Variants in GFPT1 observed in about 807,000 individuals in gnomAD.
The protein encoded by GFPT1 is glutamine--fructose-6-phosphate transaminase 1, also known as glutamine--fructose-6-phosphate aminotransferase [isomerizing] 1.
Under a neutral mutation model 92.0 loss-of-function variants are expected in GFPT1, and 40 were observed. The observed-to-expected ratio is 0.43, with a 90% CI of 0.34 to 0.57. The LOEUF is 0.57. GFPT1 is among the 20% of genes least tolerant of loss of function. GFPT1 has a pLI of 0.02. For missense variants in GFPT1, 448 were observed against 869.1 expected (o/e 0.52, Z 6.09); for synonymous variants, 269 against 280.6 (o/e 0.96, Z 0.41).
intron 11 of GFPT1, among the ~76,000 whole-genome samples, 171 bp downstream of exon 11, chr2:69,348,000 A>G (rs559275121): frequency 6.6e-6 from 1 of 152,356 alleles, no homozygotes; most frequent in African/African-American, 2.4e-5. Context: ...GATTGTAAAA[A>G]CAGCAGATAA....
intron 1 of GFPT1, among the ~76,000 whole-genome samples, chr2:69,379,367 T>A (rs745483360): frequency 1.3e-5 from 2 of 152,006 alleles, no homozygotes; most frequent in Admixed American, 1.3e-4. Flanking sequence ...CTACCAAAAA[T>A]AAAAAATTAG....
chr2:69,363,883 G>C (rs948159221), intron 3 of GFPT1, among the ~76,000 whole-genome samples: 1 of 152,304 alleles, frequency 6.6e-6, no homozygotes, highest in Middle Eastern at 3.4e-3. Context: ...GGGAGGCCGA[G>C]GCAGGTGGAT....
intron 12 of GFPT1, 98 bp from the exon 13 acceptor site, chr2:69,342,347 A>G (rs1042706428): frequency 9.9e-5 from 77 of 776,566 alleles, no homozygotes; most frequent in Non-Finnish European, 1.6e-4. Context: ...GAGGAAGAAT[A>G]CTGCTGTTTT....
intron 13 of GFPT1, among the ~76,000 whole-genome samples, chr2:69,341,621 C>A (rs1670954679): frequency 6.6e-6 from 1 of 151,260 alleles, no homozygotes; most frequent in South Asian, 2.1e-4. Context: ...AAAAGACCCT[C>A]ATACACCTAT....
At chr2:69,381,692 T>G (rs898693548) in intron 1 of GFPT1, among the ~76,000 whole-genome samples, 2 of 150,122 alleles carry the variant, frequency 1.3e-5, no homozygotes, top group African/African-American at 2.5e-5. Flanking sequence ...TAGACTGGAC[T>G]ACAGGTATGC....
intron 7 of GFPT1, among the ~76,000 whole-genome samples, chr2:69,355,432 T>C (rs898790438): frequency 1.3e-5 from 2 of 151,970 alleles, no homozygotes; most frequent in Admixed American, 6.6e-5. Flanking sequence ...CAAATAAAAA[T>C]TGTATTAAAT....
chr2:69,368,326 G>A (rs984422424), intron 3 of GFPT1, among the ~76,000 whole-genome samples: 2 of 152,148 alleles, frequency 1.3e-5, no homozygotes, highest in African/African-American at 4.8e-5. Flanking sequence ...AGGTTGCAGT[G>A]AACCGAGATT....
At chr2:69,377,974 A>G (rs2104695807) in intron 1 of GFPT1, among the ~76,000 whole-genome samples, 2 of 152,324 alleles carry the variant, frequency 1.3e-5, no homozygotes, top group Middle Eastern at 3.4e-3. Context: ...CTCTATTTTC[A>G]GGTCTTTGAC....
chr2:69,376,320 C>A (rs1212042465), intron 1 of GFPT1, among the ~76,000 whole-genome samples: 1 of 152,134 alleles, frequency 6.6e-6, no homozygotes, highest in Non-Finnish European at 1.5e-5. Context: ...ACCAGCCTGG[C>A]CAACATGGCG....
rs1166834103 is a variant in GFPT1 at position 69,370,096 on chromosome 2, T to C, written c.128A>G (p.Asp43Gly). 1 of 1,603,290 alleles carries C rather than the reference T, an allele frequency of 6.2e-7. No individual in the cohort carries two copies. The highest frequency in any genetic ancestry group is 8.5e-7 in the Non-Finnish European group (1 of 1,170,214). ...TTCCCAATCTTTATCATTGCCTCCA[T>C]CAAATCCCACACCTAAACCATCATG... ...RGYDSAGVGF[D>G]GGNDKDWEAN... Residue 43 changes from aspartate to glycine, a missense_variant, in exon 3 of 20, where the codon GAT becomes GGT. This residue lies in a region of GFPT1 where 72 missense variants were observed against 95.1 expected (regional missense o/e 0.76). Coordinates refer to ENST00000357308, the MANE Select transcript of GFPT1 (RefSeq NM_001244710.2).
chr2:69,387,140 T>C lies in GFPT1; in HGVS notation c.-69A>G. ...CGGGATCGGGGGTGCACACACGAGC[T>C]TCGGTGGGCAATCTGCGGGCTCGGG... On this transcript the variant is annotated 5_prime_UTR_variant, in exon 1 of 20. Coordinates refer to ENST00000357308, the MANE Select transcript of GFPT1 (RefSeq NM_001244710.2). 6.7e-7 allele frequency: 1 copy of C among 1,481,512 alleles called. No individual in the cohort carries two copies. The highest frequency in any genetic ancestry group is 2.2e-5 in the Admixed American group (1 of 45,116). 91.8% of individuals were successfully genotyped at this position (1,481,512 alleles called of 1,614,324 possible).
rs1312736620 is a variant in GFPT1, at chr2:69,324,024, C to G, written c.*2165G>C. On this transcript the variant is annotated 3_prime_UTR_variant, in exon 20 of 20. Transcript: ENST00000357308. ...CTCACCATGTTGCCCAGGCTGTTCT[C>G]CAACTCTTGAGCTCAAGCAATACTC... 1 of 152,160 alleles carries G rather than the reference C, an allele frequency of 6.6e-6. No homozygotes were observed. Among genetic ancestry groups the G allele is most frequent in the Non-Finnish European group, 1.5e-5 (1 of 68,084 alleles). 9.4% of individuals were successfully genotyped at this position (152,160 alleles called of 1,614,324 possible).
At chr2:69,355,671 C>T (rs1238586097) in intron 7 of GFPT1, among the ~76,000 whole-genome samples, 3 of 152,246 alleles carry the variant, frequency 2.0e-5, no homozygotes, top group African/African-American at 7.2e-5. Context: ...TTCAATTGTG[C>T]ACAGAATGCC....
Position 69,320,006 on chromosome 2 carries a change from C to G in GFPT1, c.*6183G>C, listed in dbSNP as rs1289232158. 6.6e-6 allele frequency: 1 copy of G among 152,180 alleles called. No homozygotes were observed. Among genetic ancestry groups the G allele is most frequent in the East Asian group, 1.9e-4 (1 of 5,198 alleles). 9.4% of individuals were successfully genotyped at this position (152,180 alleles called of 1,614,324 possible). On this transcript the variant is annotated 3_prime_UTR_variant, in exon 20 of 20. Coordinates refer to ENST00000357308, the MANE Select transcript of GFPT1 (RefSeq NM_001244710.2). ...GCCTAGAAGCTAAAGCCTTAATTGTCTCAGATATCTTCCATCTCCTTATGG... is the reference window on the plus strand; with the variant it reads ...GCCTAGAAGCTAAAGCCTTAATTGTGTCAGATATCTTCCATCTCCTTATGG...
intron 11 of GFPT1, among the ~76,000 whole-genome samples, chr2:69,346,380 A>C (rs781041561): frequency 6.6e-6 from 1 of 152,138 alleles, no homozygotes; most frequent in Non-Finnish European, 1.5e-5. Flanking sequence ...CTGTGACTAC[A>C]GGCGTGTGCT....
At chr2:69,356,183 G>A (rs188201662) in intron 7 of GFPT1, among the ~76,000 whole-genome samples, 8 of 151,898 alleles carry the variant, frequency 5.3e-5, no homozygotes, top group Non-Finnish European at 8.8e-5. Flanking sequence ...TAGTAGAGAC[G>A]GGGTTTCGCC....
intron 17 of GFPT1, 46 bp from the exon 18 acceptor site, chr2:69,328,484 T>C (rs1670583985): frequency 7.1e-7 from 1 of 1,415,264 alleles, no homozygotes; most frequent in South Asian, 1.2e-5. Flanking sequence ...TTTTCAAAAA[T>C]CCATGTTTAA....
At position 69,321,360 on chromosome 2, in the gene GFPT1, T is replaced by C. The variant is rs1248327480; in HGVS notation, c.*4829A>G. 6.6e-6 allele frequency: 1 copy of C among 152,216 alleles called. No individual in the cohort carries two copies. Among genetic ancestry groups the C allele is most frequent in the Non-Finnish European group, 1.5e-5 (1 of 68,038 alleles). 9.4% of individuals were successfully genotyped at this position (152,216 alleles called of 1,614,324 possible). A position where few individuals can be genotyped will look rare whatever the true frequency, so the allele number is the denominator to read the frequency against. Reference sequence around the variant, plus strand: ...CTTTTGGTAATATTTAGGCAGTGATTTCTTATTCTTAAAATCAACAGTAAT... The same window carrying C: ...CTTTTGGTAATATTTAGGCAGTGATCTCTTATTCTTAAAATCAACAGTAAT... On this transcript the variant is annotated 3_prime_UTR_variant, in exon 20 of 20. Transcript: ENST00000357308.
In GFPT1 at chr2:69,356,497, T is replaced by C. The variant is rs1386951653; in HGVS notation, c.604A>G (p.Arg202Gly). The C allele has an allele frequency of 6.2e-7, 1 of 1,606,626 alleles. No homozygotes were observed. Among genetic ancestry groups the C allele is most frequent in the Non-Finnish European group, 8.5e-7 (1 of 1,173,248 alleles). ...AGTCATTGTTAGAGTTATATGTACC[T>C]TGTGCCAACTGCTTGCCCGGGAAAA... ...VHFPGQAVGT[R>G]RGSPLLIGVR... is the part of the protein sequence containing the mutation. The change falls in exon 7 of 20, where the codon AGG (arginine) becomes GGG (glycine). Residue 202 changes from arginine to glycine, a missense_variant and splice_region_variant. This residue lies in a region of GFPT1 where 118 missense variants were observed against 192.9 expected (regional missense o/e 0.61). Coordinates refer to ENST00000357308, the MANE Select transcript of GFPT1 (RefSeq NM_001244710.2).
Sources: allele counts gnomAD v4.1 joint callset (sites outside exome capture counted in the v4.1 genomes callset), GRCh38; gene constraint gnomAD v4.1.1; regional missense constraint gnomAD v4.1.1; transcripts MANE v1.5; gene names NCBI Gene and HGNC (gene_info 2026-07-23, HGNC 2026-07-21).